The following ERG variants were observed in gnomAD, a reference collection of about 807,000 sequenced individuals.
The protein encoded by ERG is ETS transcription factor ERG.
ERG carries 9 observed loss-of-function variants against 55.3 expected under a neutral mutation model. That is an observed-to-expected ratio of 0.16 (90% CI 0.10 to 0.28). The LOEUF is 0.28. Ranked by LOEUF, ERG falls within the 10% of genes least tolerant of loss-of-function variation. The probability of loss-of-function intolerance (pLI) is 1.00; values close to 1 mark genes in which losing one functional copy is unlikely to be tolerated. For synonymous variants in ERG, 223 were observed against 237.3 expected (o/e 0.94, Z 0.55); for missense variants, 434 against 631.6 (o/e 0.69, Z 3.35).
intron 1 of ERG, chr21:38,451,233 G>A (rs1213794831): frequency 2.0e-6 from 1 of 504,952 alleles, no homozygotes; most frequent in South Asian, 1.5e-5. Flanking sequence ...GGTAAACGGA[G>A]AGTGCTGGGA....
At chr21:38,510,433 A>G (rs2059502663) in intron 2 of ERG, among the ~76,000 whole-genome samples, 1 of 152,326 alleles carries the variant, frequency 6.6e-6, no homozygotes, top group South Asian at 2.1e-4. Context: ...ATTTTTCTTT[A>G]ACAGCCAGAA....
intron 1 of ERG, among the ~76,000 whole-genome samples, chr21:38,610,409 G>A (rs1240308094): frequency 6.6e-6 from 1 of 152,212 alleles, no homozygotes; most frequent in African/African-American, 2.4e-5. Context: ...AGAAAGTAAA[G>A]AGCCCAGACT....
intron 6 of ERG, among the ~76,000 whole-genome samples, chr21:38,393,450 G>T (rs1377681043): frequency 1.3e-5 from 2 of 152,184 alleles, no homozygotes; most frequent in South Asian, 2.1e-4. Flanking sequence ...CTTGGTCTCA[G>T]TTCAATGTCA....
intron 1 of ERG, among the ~76,000 whole-genome samples, chr21:38,649,048 A>C (rs887782224): frequency 2.0e-5 from 3 of 152,178 alleles, no homozygotes; most frequent in Admixed American, 6.5e-5. Context: ...ATCCACCCAC[A>C]CATCTCTATA....
rs186922364 is a variant in ERG, at chr21:38,385,206, G to A, written c.920-1283C>T. Reference sequence around the variant, plus strand: ...ATGGCTCCCTAGAAGACAGCAGCATGTAAATATTGACAGCAGTATCCGTAC... The same window carrying A: ...ATGGCTCCCTAGAAGACAGCAGCATATAAATATTGACAGCAGTATCCGTAC... On this transcript the variant is annotated intron_variant, in intron 9 of 9. Coordinates refer to ENST00000288319, the MANE Select transcript of ERG (RefSeq NM_182918.4). Among the ~76,000 whole-genome samples, 4 of 152,344 alleles carry A rather than the reference G, an allele frequency of 2.6e-5. No individual in the cohort carries two copies. The East Asian group carries it at 5.8e-4, about 22-fold the overall frequency.
intron 2 of ERG, among the ~76,000 whole-genome samples, chr21:38,518,212 T>C (rs952021438): frequency 2.6e-5 from 4 of 151,484 alleles, no homozygotes; most frequent in Non-Finnish European, 5.9e-5. Context: ...CTATCACATG[T>C]ACCCCATAAC....
intron 1 of ERG, among the ~76,000 whole-genome samples, chr21:38,619,862 G>T (rs2060279893): frequency 6.6e-6 from 1 of 152,204 alleles, no homozygotes; most frequent in African/African-American, 2.4e-5. Flanking sequence ...AAACAAAAGA[G>T]GAAGAAAACA....
intron 2 of ERG, among the ~76,000 whole-genome samples, chr21:38,559,018 C>G (rs2059875742): frequency 6.6e-6 from 1 of 152,166 alleles, no homozygotes; most frequent in Non-Finnish European, 1.5e-5. Context: ...GACACAGTCT[C>G]TTTTGCATGC....
chr21:38,389,493 A>G (rs1987868067), intron 9 of ERG, among the ~76,000 whole-genome samples: 1 of 152,002 alleles, frequency 6.6e-6, no homozygotes. Flanking sequence ...CATTGCTGCC[A>G]GATCAGTCTT....
intron 1 of ERG, among the ~76,000 whole-genome samples, chr21:38,648,599 G>A (rs1489005097): frequency 1.3e-5 from 2 of 152,204 alleles, no homozygotes; most frequent in Non-Finnish European, 2.9e-5. Context: ...CGTGCTCATC[G>A]CATCTCCCAC....
chr21:38,383,528 G>A lies in ERG; in HGVS notation c.1315C>T (p.Pro439Ser), dbSNP rs1987544531. The A allele has an allele frequency of 3.2e-6, 5 of 1,570,716 alleles. No individual in the cohort carries two copies. The highest frequency in any genetic ancestry group is 4.5e-5 in the East Asian group (2 of 44,370). ...NFVAPHPPAL[P>S]VTSSSFFAAP... Reference sequence around the variant, plus strand: ...GCAAAAAAACTGGAAGATGTCACGGGGAGGGCTGGAGGGTGGGGCGCCACA... The same window carrying A: ...GCAAAAAAACTGGAAGATGTCACGGAGAGGGCTGGAGGGTGGGGCGCCACA... Residue 439 changes from proline to serine, a missense_variant, in exon 10 of 10, where the codon CCC (proline) becomes TCC (serine). Physicochemically the swap from Pro to Ser is moderately conservative, Grantham distance 74. This residue lies in a region of ERG where 107 missense variants were observed against 126.8 expected (regional missense o/e 0.84). Coordinates refer to ENST00000288319, the MANE Select transcript of ERG (RefSeq NM_182918.4). The surrounding 1 kb of genome is among the most constrained non-coding windows in gnomAD (Gnocchi z 5.7).
intron 2 of ERG, among the ~76,000 whole-genome samples, chr21:38,522,809 C>CCAAAGA (rs2059604154): frequency 1.3e-5 from 2 of 152,114 alleles, no homozygotes; most frequent in African/African-American, 4.8e-5. Flanking sequence ...CAAGCCAGTT[C>CCAAAGA]CAAAGACAGA....
At chr21:38,636,619 T>C (rs2060390749) in intron 1 of ERG, among the ~76,000 whole-genome samples, 1 of 152,200 alleles carries the variant, frequency 6.6e-6, no homozygotes, top group South Asian at 2.1e-4. Flanking sequence ...AAGCTTTTTC[T>C]CATTTCTAAG....
At chr21:38,623,946 T>C (rs528120283) in intron 1 of ERG, among the ~76,000 whole-genome samples, 9 of 152,358 alleles carry the variant, frequency 5.9e-5, no homozygotes, top group African/African-American at 1.9e-4. Flanking sequence ...ACAATAATTT[T>C]TTTAAAGATC....
rs7277008 is a variant in ERG, at chr21:38,456,386, G to A, written c.19-10765C>T. Among the ~76,000 whole-genome samples, 1,362 of 152,118 alleles carry A rather than the reference G, an allele frequency of 9.0e-3. 22 individuals carry two copies. The highest frequency in any genetic ancestry group is 0.031 in the African/African-American group (1,290 of 41,478). ...GTGGAAAGGATCTACTCTCTTGCAT[G>A]GGAATATGGCATCTGTTCTACACAT... On this transcript the variant is annotated intron_variant, in intron 1 of 9. Coordinates refer to ENST00000288319, the MANE Select transcript of ERG (RefSeq NM_182918.4).
intron 1 of ERG, among the ~76,000 whole-genome samples, chr21:38,606,020 G>A (rs1186935333): frequency 6.6e-6 from 1 of 152,050 alleles, no homozygotes; most frequent in Non-Finnish European, 1.5e-5. Context: ...TAGGTCATTA[G>A]ACAGATGATT....
chr21:38,506,086 C>T (rs577713863), intron 2 of ERG, among the ~76,000 whole-genome samples: 1 of 151,590 alleles, frequency 6.6e-6, no homozygotes, highest in South Asian at 2.1e-4. Context: ...GTTTTAGGAG[C>T]AAACATGAAT....
intron 1 of ERG, among the ~76,000 whole-genome samples, chr21:38,459,169 C>T (rs934705387): frequency 1.3e-5 from 2 of 152,192 alleles, no homozygotes; most frequent in African/African-American, 2.4e-5. Context: ...CTCCAATGGC[C>T]TCAGCGCTGC....
At chr21:38,629,950 T>C (rs1296031469) in intron 1 of ERG, among the ~76,000 whole-genome samples, 1 of 152,166 alleles carries the variant, frequency 6.6e-6, no homozygotes, top group Non-Finnish European at 1.5e-5. Flanking sequence ...ATAATCCATG[T>C]TACAAAATGG....
Sources: gnomAD v4.1 joint callset for allele counts (sites outside exome capture counted in the v4.1 genomes callset) on GRCh38, gnomAD v4.1.1 for gene constraint, gnomAD v4.1.1 regional missense constraint, Gnocchi (gnomAD v3.1) non-coding constraint, MANE v1.5 for transcripts, NCBI Gene and HGNC (gene_info 2026-07-23, HGNC 2026-07-21) for gene names.